The following FXR1 variants were observed in gnomAD, a reference collection of about 807,000 sequenced individuals.
The protein encoded by FXR1 is RNA-binding protein FXR1.
A neutral mutation model predicts 84.0 loss-of-function variants in FXR1; 15 were observed. The observed-to-expected ratio is 0.18, with a 90% CI of 0.12 to 0.27. FXR1 has a LOEUF of 0.27. FXR1 is among the 10% of genes least tolerant of loss of function. FXR1 has a pLI of 1.00. For synonymous variants in FXR1, 245 were observed against 250.7 expected, an observed-to-expected ratio of 0.98 and a Z score of 0.21; for missense variants, 480 against 774.4, an observed-to-expected ratio of 0.62 and a Z score of 4.51.
intron 1 of FXR1, 24 bp downstream of exon 1, chr3:180,912,760 T>A: frequency 6.2e-7 from 1 of 1,614,024 alleles, no homozygotes; most frequent in Non-Finnish European, 8.5e-7. Flanking sequence ...TGCCACTTTG[T>A]CGAGTGTTCT....
chr3:180,942,249 G>A (rs1721202998), intron 3 of FXR1, among the ~76,000 whole-genome samples: 2 of 151,872 alleles, frequency 1.3e-5, no homozygotes, highest in African/African-American at 2.4e-5. Flanking sequence ...GTGGTAGCGG[G>A]TGCCTGTAGT....
chr3:180,914,620 C>A, intron 1 of FXR1: 1 of 223,040 alleles, frequency 4.5e-6, no homozygotes, highest in Non-Finnish European at 7.5e-6. Context: ...TGCAGTCTTA[C>A]TTTGGTTTCT....
intron 15 of FXR1, among the ~76,000 whole-genome samples, chr3:180,972,964 T>C (rs1713771065): frequency 6.6e-6 from 1 of 152,184 alleles, no homozygotes; most frequent in East Asian, 1.9e-4. Context: ...TCTCATCTGC[T>C]CAAAATTTCT....
chr3:180,975,307 T>C lies in FXR1; in HGVS notation c.1604-6T>C. 1 of 1,271,658 alleles carries C rather than the reference T, an allele frequency of 7.9e-7. No individual in the cohort carries two copies. Among genetic ancestry groups the C allele is most frequent in the Non-Finnish European group, 1.1e-6 (1 of 900,898 alleles). 78.8% of individuals were successfully genotyped at this position (1,271,658 alleles called of 1,614,324 possible). A position where few individuals can be genotyped will look rare whatever the true frequency, so the allele number is the denominator to read the frequency against. ...ACACCTGTAATTTTTTTCTCATCTT[T>C]AACAGTCACAGTTGCAGATTATATT... On this transcript the variant is annotated splice_polypyrimidine_tract_variant and splice_region_variant and intron_variant, in intron 15 of 16. Transcript: ENST00000357559.
intron 15 of FXR1, among the ~76,000 whole-genome samples, chr3:180,974,631 T>C (rs111690173): frequency 2.6e-5 from 4 of 152,132 alleles, no homozygotes; most frequent in Non-Finnish European, 4.4e-5. Flanking sequence ...CCTACCAAGA[T>C]TGGCAAAGGG....
chr3:180,917,172 T>C (rs548422086), intron 1 of FXR1, among the ~76,000 whole-genome samples: 66 of 152,308 alleles, frequency 4.3e-4, no homozygotes, highest in African/African-American at 1.5e-3. Context: ...GCTTCCACCG[T>C]GTAACTGTCT....
chr3:180,962,211 C>T (rs1712210447), intron 11 of FXR1, among the ~76,000 whole-genome samples: 1 of 152,086 alleles, frequency 6.6e-6, no homozygotes. Flanking sequence ...AGTATGTTTT[C>T]CTCCCAGTCT....
chr3:180,940,879 A>T (rs1224134599), intron 3 of FXR1, among the ~76,000 whole-genome samples: 1 of 152,084 alleles, frequency 6.6e-6, no homozygotes, highest in African/African-American at 2.4e-5. Context: ...CGCAGCCCTG[A>T]TAATGTTTTT....
chr3:180,934,957 A>AT (rs1371941831), intron 2 of FXR1, among the ~76,000 whole-genome samples, 181 bp from the exon 3 acceptor site: 2 of 152,194 alleles, frequency 1.3e-5, no homozygotes, highest in South Asian at 4.1e-4. Flanking sequence ...GAACTTATTA[A>AT]GAGTCATACA....
intron 9 of FXR1, among the ~76,000 whole-genome samples, chr3:180,954,670 A>G (rs1373994413): frequency 6.6e-6 from 1 of 152,132 alleles, no homozygotes; most frequent in Admixed American, 6.5e-5. Flanking sequence ...TAGTTTTACT[A>G]GGAGGGGGAC....
intron 8 of FXR1, among the ~76,000 whole-genome samples, chr3:180,953,315 G>T (rs1244231598): frequency 6.6e-6 from 1 of 152,120 alleles, no homozygotes; most frequent in Non-Finnish European, 1.5e-5. Context: ...ATGCATCTCT[G>T]CAAAAATAGC....
At position 180,976,333 on chromosome 3, in the gene FXR1, T is replaced by G. The variant is rs1181999392; in HGVS notation, c.*41T>G. ...AGTTTACAGTTCTTTTACATTACAT[T>G]TACAATAGTGCTTGTACAAGCTTGC... On this transcript the variant is annotated 3_prime_UTR_variant, in exon 17 of 17. Transcript: ENST00000357559. The G allele has an allele frequency of 7.5e-7, 1 of 1,340,548 alleles. No homozygotes were observed. The highest frequency in any genetic ancestry group is 1.0e-6 in the Non-Finnish European group (1 of 967,490). The allele number at this position is 1,340,548 out of a possible 1,614,324, so 83.0% of individuals were successfully genotyped here.
intron 1 of FXR1, among the ~76,000 whole-genome samples, chr3:180,924,169 C>T (rs1050363267): frequency 2.0e-5 from 3 of 151,996 alleles, no homozygotes; most frequent in East Asian, 1.9e-4. Context: ...ATGTTGGCCT[C>T]GAACTCCTGA....
At chr3:180,922,506 T>G (rs147965640) in intron 1 of FXR1, among the ~76,000 whole-genome samples, 72 of 152,334 alleles carry the variant, frequency 4.7e-4, no homozygotes, top group African/African-American at 1.6e-3. Context: ...CCCATTTTTT[T>G]GTTGGGGTGT....
chr3:180,971,113 C>T (rs935353533), intron 15 of FXR1: 19 of 1,276,434 alleles, frequency 1.5e-5, no homozygotes, highest in East Asian at 5.6e-5. Context: ...CAATCGTAGC[C>T]GCAGGCGTCG....
At chr3:180,927,195 A>T (rs1719332162) in intron 1 of FXR1, among the ~76,000 whole-genome samples, 1 of 152,092 alleles carries the variant, frequency 6.6e-6, no homozygotes, top group Non-Finnish European at 1.5e-5. Context: ...ATGAATTGGC[A>T]AAAGTATTTC....
At chr3:180,922,638 A>G (rs1718715782) in intron 1 of FXR1, among the ~76,000 whole-genome samples, 2 of 152,156 alleles carry the variant, frequency 1.3e-5, no homozygotes, top group African/African-American at 4.8e-5. Flanking sequence ...TCTCAAAATA[A>G]ATAATACTGT....
chr3:180,975,365 C>T lies in FXR1; in HGVS notation c.1656C>T (p.Asn552=). ...CTGAGTCTCAGAGCAGACAAAGAAA[C>T]CTCCCAAGGGAAACTTTGGCTAAAA... ...SRAESQSRQR[N]LPRETLAKNK... The change falls in exon 16 of 17, where the codon AAC becomes AAT. Residue 552 remains asparagine, a synonymous_variant. Coordinates refer to ENST00000357559, the MANE Select transcript of FXR1 (RefSeq NM_005087.4). 1 of 1,540,318 alleles carries T rather than the reference C, an allele frequency of 6.5e-7. No homozygotes were observed. Among genetic ancestry groups the T allele is most frequent in the Non-Finnish European group, 8.9e-7 (1 of 1,121,930 alleles).
intron 7 of FXR1, 80 bp downstream of exon 7, chr3:180,949,423 G>C (rs1407392335): frequency 5.0e-6 from 4 of 793,248 alleles, no homozygotes; most frequent in Non-Finnish European, 9.1e-6. Flanking sequence ...TTCTGGCTCT[G>C]TTGCCCAGGC....
Sources: allele counts gnomAD v4.1 joint callset (sites outside exome capture counted in the v4.1 genomes callset), GRCh38; gene constraint gnomAD v4.1.1; transcripts MANE v1.5; gene names NCBI Gene and HGNC (gene_info 2026-07-23, HGNC 2026-07-21).